Variants in CELF2 observed in about 807,000 individuals in gnomAD.
CELF2 encodes CUGBP Elav-like family member 2, also known as CUG triplet repeat RNA-binding protein 2.
Under a neutral mutation model 62.6 loss-of-function variants are expected in CELF2, and 8 were observed. The ratio of observed to expected loss-of-function variants is 0.13; its 90% CI spans 0.07 to 0.23. The LOEUF is 0.23. Ranked by LOEUF, CELF2 falls within the 10% of genes least tolerant of loss-of-function variation. The pLI is 1.00. For missense variants in CELF2, 333 were observed against 671.0 expected, an observed-to-expected ratio of 0.50 and a Z score of 5.56; for synonymous variants, 258 against 250.0, an observed-to-expected ratio of 1.03 and a Z score of -0.30.
At chr10:10,802,133 G>A (rs1325906378) in intron 1 of CELF2, among the ~76,000 whole-genome samples, 1 of 152,110 alleles carries the variant, frequency 6.6e-6, no homozygotes, top group African/African-American at 2.4e-5. Context: ...AAGTATTCTT[G>A]GTACACAGAA....
At chr10:10,539,883 A>G in the CELF2 span, among the ~76,000 whole-genome samples, 49 of 152,358 alleles carry the variant, frequency 3.2e-4, no homozygotes, top group African/African-American at 1.1e-3. Flanking sequence ...GCCAGGTGGC[A>G]TAGGGCATCT....
intron 3 of CELF2, among the ~76,000 whole-genome samples, chr10:11,232,170 G>A (rs199592467): frequency 2.0e-5 from 3 of 151,998 alleles, no homozygotes; most frequent in African/African-American, 4.8e-5. Flanking sequence ...AGGCCCCGGT[G>A]TGTGATGTTC....
intron 9 of CELF2, among the ~76,000 whole-genome samples, chr10:11,289,065 C>A (rs1047285333): frequency 6.6e-6 from 1 of 152,182 alleles, no homozygotes; most frequent in Non-Finnish European, 1.5e-5. Flanking sequence ...CATTTAAAGT[C>A]TTTTTTTCTT....
intron 1 of CELF2, among the ~76,000 whole-genome samples, chr10:11,063,026 G>C (rs2067202110): frequency 2.0e-5 from 3 of 152,154 alleles, no homozygotes; most frequent in Admixed American, 2.0e-4. Flanking sequence ...AGACTCAAAC[G>C]ATAGTTAGCA....
the CELF2 span, among the ~76,000 whole-genome samples, chr10:10,657,216 GA>G: frequency 2.2e-4 from 34 of 151,842 alleles, no homozygotes; most frequent in African/African-American, 7.3e-4. Flanking sequence ...ATATGACACA[GA>G]AAAAAAAGTA....
the CELF2 span, among the ~76,000 whole-genome samples, chr10:10,723,349 G>A: frequency 6.6e-6 from 1 of 152,154 alleles, no homozygotes; most frequent in Non-Finnish European, 1.5e-5. Flanking sequence ...TCTAAGCAAT[G>A]TCTCCAGCAT....
chr10:10,682,120 A>G, the CELF2 span, among the ~76,000 whole-genome samples: 5 of 152,330 alleles, frequency 3.3e-5, 1 homozygote, highest in East Asian at 9.6e-4. Context: ...GCCAACAGGT[A>G]TCAAAATCCT....
At position 11,268,101 on chromosome 10, in the gene CELF2, A is replaced by G. The variant is rs527940007; in HGVS notation, c.618+1424A>G. The stretch of plus-strand genomic sequence containing the variant: ...TGTCTGACACGCAGTTACACGTGTG[A>G]TGGCGTTTTGCTTCCCTCTTTCTCT... On this transcript the variant is annotated intron_variant, in intron 6 of 12. Coordinates refer to ENST00000633077, the MANE Select transcript of CELF2 (RefSeq NM_001326342.2). The surrounding 1 kb of genome is among the most constrained non-coding windows in gnomAD (Gnocchi z 4.7). 3.3e-5 allele frequency among the ~76,000 whole-genome samples: 5 copies of G among 152,236 alleles called. No individual in the cohort carries two copies. The highest frequency in any genetic ancestry group is 1.2e-4 in the African/African-American group (5 of 41,542).
At chr10:10,588,420 C>G in the CELF2 span, among the ~76,000 whole-genome samples, 37,062 of 152,036 alleles carry the variant, frequency 0.24, 4,906 homozygotes, top group Admixed American at 0.4. Flanking sequence ...AACCTGGCAG[C>G]TCTGGCATTC....
At chr10:10,593,178 TC>T in the CELF2 span, among the ~76,000 whole-genome samples, 1 of 152,160 alleles carries the variant, frequency 6.6e-6, no homozygotes, top group Non-Finnish European at 1.5e-5. Flanking sequence ...AGCAGATACA[TC>T]AGTTGGATTT....
chr10:11,134,005 T>C (rs1254304474), intron 1 of CELF2, among the ~76,000 whole-genome samples: 1 of 152,220 alleles, frequency 6.6e-6, no homozygotes, highest in African/African-American at 2.4e-5. Context: ...CTCTTTGTAT[T>C]TGTGGCTGGA....
At chr10:10,562,167 T>A in the CELF2 span, among the ~76,000 whole-genome samples, 60 of 152,256 alleles carry the variant, frequency 3.9e-4, no homozygotes, top group South Asian at 1.9e-3. Context: ...CCAGCTGTAG[T>A]CACTCTAAAA....
At chr10:10,577,893 T>G in the CELF2 span, among the ~76,000 whole-genome samples, 20 of 152,278 alleles carry the variant, frequency 1.3e-4, no homozygotes, top group Admixed American at 2.6e-4. Flanking sequence ...GATGGCTGGG[T>G]CAAATGGTAT....
intron 12 of CELF2, among the ~76,000 whole-genome samples, chr10:11,327,290 G>T (rs1303135041): frequency 6.6e-6 from 1 of 152,112 alleles, no homozygotes; most frequent in Non-Finnish European, 1.5e-5. Context: ...GTTTTTCGTA[G>T]CTAAACAATA....
intron 1 of CELF2, among the ~76,000 whole-genome samples, chr10:11,102,994 T>C (rs988003066): frequency 3.9e-5 from 6 of 152,348 alleles, no homozygotes; most frequent in African/African-American, 1.4e-4. Context: ...CTGATGTTTC[T>C]AAAACCTGAG....
In CELF2 at chr10:11,010,809, C is replaced by G. The variant is rs571400868; in HGVS notation, c.53+5369C>G. On this transcript the variant is annotated intron_variant, in intron 1 of 12. Coordinates refer to the CELF2 transcript ENST00000416382. This position sits in a 1 kb window ranked among gnomAD's most constrained non-coding sequence, Gnocchi z 4.1. Reference sequence around the variant, plus strand: ...CTAGCGAGGAAGTTGTACAATTCAGCGAGGAACTGTCACGTAGGATCTGCG... The same window carrying G: ...CTAGCGAGGAAGTTGTACAATTCAGGGAGGAACTGTCACGTAGGATCTGCG... 1 of 152,192 alleles carries G rather than the reference C, an allele frequency of 6.6e-6. No individual in the cohort carries two copies. The highest frequency in any genetic ancestry group is 6.5e-5 in the Admixed American group (1 of 15,272). The allele number at this position is 152,192 out of a possible 1,614,324, so 9.4% of individuals were successfully genotyped here.
chr10:11,103,285 C>G (rs2052322718), intron 1 of CELF2, among the ~76,000 whole-genome samples: 1 of 151,802 alleles, frequency 6.6e-6, no homozygotes, highest in Non-Finnish European at 1.5e-5. Flanking sequence ...ATTCAAGATT[C>G]AACTCAGATG....
At chr10:11,141,686 A>C (rs1305120229) in intron 1 of CELF2, among the ~76,000 whole-genome samples, 3 of 152,248 alleles carry the variant, frequency 2.0e-5, no homozygotes, top group Non-Finnish European at 2.9e-5. Flanking sequence ...CAATCATTGC[A>C]TGTTTATTTA....
At chr10:10,785,530 A>G in the CELF2 span, among the ~76,000 whole-genome samples, 1 of 152,208 alleles carries the variant, frequency 6.6e-6, no homozygotes. Context: ...TACAGGAAAT[A>G]CTATTTAACC....
Sources: allele counts gnomAD v4.1 joint callset (sites outside exome capture counted in the v4.1 genomes callset), GRCh38; gene constraint gnomAD v4.1.1; non-coding constraint Gnocchi (gnomAD v3.1); transcripts MANE v1.5; gene names NCBI Gene and HGNC (gene_info 2026-07-23, HGNC 2026-07-21).